The following CADM2 variants were observed in gnomAD, a reference collection of about 807,000 sequenced individuals.
CADM2 encodes immunoglobulin superfamily member 4D.
CADM2 carries 12 observed loss-of-function variants against 49.8 expected under a neutral mutation model. That is an observed-to-expected ratio of 0.24 (90% CI 0.15 to 0.39). The LOEUF is 0.39. CADM2 is among the 10% of genes least tolerant of loss of function. CADM2 has a pLI of 1.00. For missense variants in CADM2, 378 were observed against 492.3 expected, an observed-to-expected ratio of 0.77 and a Z score of 2.20; for synonymous variants, 214 against 175.4, an observed-to-expected ratio of 1.22 and a Z score of -1.74.
At chr3:85,492,784 C>CT (rs34171248) in intron 1 of CADM2, among the ~76,000 whole-genome samples, 10 of 151,658 alleles carry the variant, frequency 6.6e-5, no homozygotes, top group African/African-American at 2.2e-4. Context: ...CATGTTAACA[C>CT]TTTTTTTAAA....
intron 8 of CADM2, among the ~76,000 whole-genome samples, chr3:86,028,377 T>C (rs1038403311): frequency 5.9e-5 from 9 of 152,134 alleles, no homozygotes; most frequent in Non-Finnish European, 1.3e-4. Flanking sequence ...ATTAATTATT[T>C]TCAATGCTTC....
In CADM2 at chr3:86,057,019, T is replaced by C. The variant is rs549613816; in HGVS notation, c.971-8586T>C. ...TCAAAGTTTCTACACATATTACGTATAGTTAAAACTATGTGTAAATCACTG... is the reference window on the plus strand; with the variant it reads ...TCAAAGTTTCTACACATATTACGTACAGTTAAAACTATGTGTAAATCACTG... On this transcript the variant is annotated intron_variant, in intron 8 of 9. Coordinates refer to ENST00000383699, the MANE Select transcript of CADM2 (RefSeq NM_001167675.2). Among the ~76,000 whole-genome samples, 83 of 152,368 alleles carry C rather than the reference T, an allele frequency of 5.4e-4. 2 individuals are homozygous for C. The highest frequency in any genetic ancestry group is 1.0e-3 in the Admixed American group (16 of 15,304).
intron 1 of CADM2, among the ~76,000 whole-genome samples, chr3:85,149,099 CT>C (rs371117754): frequency 3.6e-4 from 53 of 148,020 alleles, no homozygotes; most frequent in South Asian, 6.4e-4. Flanking sequence ...ATGGTTAGTG[CT>C]TTTTTTTTTA....
chr3:84,964,444 T>A (rs1207931254), intron 1 of CADM2, among the ~76,000 whole-genome samples: 3 of 152,174 alleles, frequency 2.0e-5, no homozygotes, highest in Non-Finnish European at 2.9e-5. Flanking sequence ...CCTAATGTCA[T>A]ATGGATGTTT....
chr3:85,734,047 A>G (rs9823053), intron 2 of CADM2, among the ~76,000 whole-genome samples: 2 of 152,170 alleles, frequency 1.3e-5, no homozygotes, highest in Non-Finnish European at 2.9e-5. Flanking sequence ...CTACAACACC[A>G]AAATTTAAGT....
intron 1 of CADM2, among the ~76,000 whole-genome samples, chr3:85,141,162 A>G (rs186885538): frequency 4.6e-5 from 7 of 152,176 alleles, no homozygotes; most frequent in Non-Finnish European, 8.8e-5. Flanking sequence ...TTAATGGCCA[A>G]TCATTGGTGA....
At chr3:85,953,637 ATAT>A (rs1355510670) in intron 7 of CADM2, among the ~76,000 whole-genome samples, 1 of 151,006 alleles carries the variant, frequency 6.6e-6, no homozygotes, top group African/African-American at 2.4e-5. Context: ...ATGCTACCAA[ATAT>A]TATGGTTGAT....
intron 1 of CADM2, among the ~76,000 whole-genome samples, chr3:85,684,975 G>A (rs1242417817): frequency 6.6e-6 from 1 of 152,166 alleles, no homozygotes; most frequent in Non-Finnish European, 1.5e-5. Context: ...GTTAAAAATG[G>A]AGAATCGGCC....
At chr3:85,450,362 T>C (rs2037698181) in intron 1 of CADM2, among the ~76,000 whole-genome samples, 1 of 152,152 alleles carries the variant, frequency 6.6e-6, no homozygotes, top group African/African-American at 2.4e-5. Context: ...TTATTGCATA[T>C]AAATATGTAC....
intron 1 of CADM2, among the ~76,000 whole-genome samples, chr3:85,482,320 G>T (rs962280984): frequency 6.6e-6 from 1 of 151,624 alleles, no homozygotes; most frequent in African/African-American, 2.4e-5. Context: ...GGTTTATTTT[G>T]GTGACAGTTG....
At chr3:85,733,316 A>G (rs2068010833) in intron 2 of CADM2, among the ~76,000 whole-genome samples, 1 of 152,216 alleles carries the variant, frequency 6.6e-6, no homozygotes, top group African/African-American at 2.4e-5. Flanking sequence ...TTTTATTGTA[A>G]GATGACCCAG....
intron 5 of CADM2, among the ~76,000 whole-genome samples, chr3:85,907,910 CAA>C (rs1257950513): frequency 2.9e-4 from 31 of 105,654 alleles, no homozygotes; most frequent in Admixed American, 3.0e-4. Context: ...GACTCTGTCT[CAA>C]AAAAAAAAAA....
At chr3:85,347,418 A>G (rs2030798315) in intron 1 of CADM2, among the ~76,000 whole-genome samples, 1 of 134,532 alleles carries the variant, frequency 7.4e-6, no homozygotes, top group African/African-American at 2.5e-5. Flanking sequence ...TACTCAAACG[A>G]ATGCATTGAA....
At chr3:85,303,526 T>G (rs563866775) in intron 1 of CADM2, among the ~76,000 whole-genome samples, 6 of 151,930 alleles carry the variant, frequency 3.9e-5, no homozygotes, top group Non-Finnish European at 8.8e-5. Context: ...CAGAAGCTTG[T>G]ACCTACATAA....
chr3:84,972,342 T>G (rs2031512006), intron 1 of CADM2, among the ~76,000 whole-genome samples: 1 of 152,236 alleles, frequency 6.6e-6, no homozygotes, highest in African/African-American at 2.4e-5. Context: ...AAATAGCATT[T>G]CCTAAAATTT....
intron 6 of CADM2, among the ~76,000 whole-genome samples, chr3:85,920,187 G>A (rs1258866388): frequency 6.6e-6 from 1 of 151,716 alleles, no homozygotes; most frequent in Non-Finnish European, 1.5e-5. Flanking sequence ...ATATTCCAAG[G>A]AGCATTCAAA....
intron 1 of CADM2, among the ~76,000 whole-genome samples, chr3:85,259,218 C>T (rs2042958542): frequency 6.6e-6 from 1 of 152,082 alleles, no homozygotes; most frequent in African/African-American, 2.4e-5. Flanking sequence ...CATTGAACGC[C>T]GAGCATGACA....
At chr3:85,428,800 C>T (rs956903596) in intron 1 of CADM2, among the ~76,000 whole-genome samples, 2 of 150,928 alleles carry the variant, frequency 1.3e-5, no homozygotes, top group African/African-American at 4.9e-5. Flanking sequence ...TTATCCATTT[C>T]GTCTTGCACC....
intron 1 of CADM2, among the ~76,000 whole-genome samples, chr3:85,498,744 C>G (rs887278090): frequency 1.3e-5 from 2 of 151,960 alleles, no homozygotes; most frequent in Non-Finnish European, 2.9e-5. Context: ...AGAGAAATAC[C>G]GTGACCCGAG....
Sources: gnomAD v4.1 joint callset for allele counts (sites outside exome capture counted in the v4.1 genomes callset) on GRCh38, gnomAD v4.1.1 for gene constraint, MANE v1.5 for transcripts, NCBI Gene and HGNC (gene_info 2026-07-23, HGNC 2026-07-21) for gene names.